Variants in COBLL1 observed in about 807,000 individuals in gnomAD.
COBLL1 encodes cordon-bleu WH2 repeat protein like 1.
Under a neutral mutation model 94.8 loss-of-function variants are expected in COBLL1, and 50 were observed. That is an observed-to-expected ratio of 0.53 (90% confidence interval 0.42 to 0.67). The LOEUF (loss-of-function observed/expected upper bound fraction) is 0.67, where lower values mean the gene tolerates loss of function less well. Ranked by LOEUF, COBLL1 falls within the 30% of genes least tolerant of loss-of-function variation. The pLI, the probability that COBLL1 is intolerant of heterozygous loss-of-function variation, is 0.00. For missense variants in COBLL1, 1,362 were observed against 1,348.7 expected, an observed-to-expected ratio of 1.01 and a Z score of -0.15; for synonymous variants, 448 against 473.8, an observed-to-expected ratio of 0.95 and a Z score of 0.71.
At chr2:164,738,115 G>A (rs1184374135) in intron 3 of COBLL1, 1 of 152,122 alleles carries the variant, frequency 6.6e-6, no homozygotes, top group Non-Finnish European at 1.5e-5. Context: ...ATTCCTATTT[G>A]TGGTAAGGGC....
Position 164,810,118 on chromosome 2 carries a change from A to G in COBLL1, c.41+31038T>C, listed in dbSNP as rs540201144. The stretch of plus-strand genomic sequence containing the variant: ...TCTCTAGATCTCAACCCAAACAGAC[A>G]TCATCTTATAATCATATGATTTTTT... On this transcript the variant is annotated intron_variant, in intron 2 of 13. Coordinates refer to ENST00000652658, the MANE Select transcript of COBLL1 (RefSeq NM_001365672.2). 7.9e-5 allele frequency among the ~76,000 whole-genome samples: 12 copies of G among 151,860 alleles called. No individual in the cohort carries two copies. In the South Asian group the frequency reaches 2.1e-3, roughly 26 times the overall value.
At chr2:164,820,006 T>A (rs1420750287) in intron 2 of COBLL1, among the ~76,000 whole-genome samples, 63 of 144,270 alleles carry the variant, frequency 4.4e-4, no homozygotes, top group Middle Eastern at 3.7e-3. Flanking sequence ...TTTTTTTTTT[T>A]AATTTTTAGT....
intron 2 of COBLL1, among the ~76,000 whole-genome samples, chr2:164,759,491 A>G (rs1043223417): frequency 3.9e-5 from 6 of 152,152 alleles, no homozygotes; most frequent in African/African-American, 1.4e-4. Flanking sequence ...AACAAAAGTT[A>G]GGCCATAGGA....
intron 2 of COBLL1, among the ~76,000 whole-genome samples, chr2:164,769,945 C>G (rs1367500280): frequency 6.6e-6 from 1 of 152,158 alleles, no homozygotes; most frequent in Admixed American, 6.5e-5. Flanking sequence ...CTCCCTTTCT[C>G]TTTAGGTGTC....
intron 3 of COBLL1, among the ~76,000 whole-genome samples, chr2:164,734,777 G>C (rs1312472913): frequency 6.6e-6 from 1 of 152,156 alleles, no homozygotes; most frequent in Non-Finnish European, 1.5e-5. Context: ...ACCAACAGGA[G>C]ACCTAAAATG....
chr2:164,720,692 G>A (rs1046225375), intron 7 of COBLL1, among the ~76,000 whole-genome samples: 46 of 152,098 alleles, frequency 3.0e-4, no homozygotes, highest in African/African-American at 1.0e-3. Flanking sequence ...CTTAATTTCA[G>A]TCTCTGTTTC....
At chr2:164,746,463 C>G (rs1263713757) in intron 2 of COBLL1, among the ~76,000 whole-genome samples, 1 of 152,066 alleles carries the variant, frequency 6.6e-6, no homozygotes, top group Non-Finnish European at 1.5e-5. Flanking sequence ...TTGCCTCAAC[C>G]AGAAAAGATC....
chr2:164,747,466 C>T (rs906695071), intron 2 of COBLL1, among the ~76,000 whole-genome samples: 4 of 152,098 alleles, frequency 2.6e-5, no homozygotes, highest in African/African-American at 9.7e-5. Context: ...GGACAAAGCG[C>T]TACTTGAAAA....
At chr2:164,658,826 G>A (rs1303311281) in intron 2 of COBLL1, among the ~76,000 whole-genome samples, 1 of 152,140 alleles carries the variant, frequency 6.6e-6, no homozygotes, top group East Asian at 1.9e-4. Context: ...CTGAGCATTG[G>A]GGCTTGGTTT....
chr2:164,839,039 G>A (rs1239898139), intron 2 of COBLL1, among the ~76,000 whole-genome samples: 8 of 152,156 alleles, frequency 5.3e-5, no homozygotes, highest in Non-Finnish European at 8.8e-5. Flanking sequence ...GGACAAGTTA[G>A]ACAAGTGAAA....
intron 2 of COBLL1, among the ~76,000 whole-genome samples, chr2:164,796,382 G>C (rs1683459219): frequency 6.6e-6 from 1 of 152,118 alleles, no homozygotes; most frequent in Non-Finnish European, 1.5e-5. Context: ...ACATGAAAAA[G>C]TGAAGAGCAT....
At chr2:164,694,202 G>C in intron 12 of COBLL1, 67 bp downstream of exon 12, 1 of 1,436,628 alleles carries the variant, frequency 7.0e-7, no homozygotes, top group Non-Finnish European at 9.5e-7. Context: ...ACATCAACAT[G>C]CTTGTTAACC....
intron 3 of COBLL1, among the ~76,000 whole-genome samples, chr2:164,742,845 C>T (rs1686667752): frequency 6.6e-6 from 1 of 151,994 alleles, no homozygotes; most frequent in Non-Finnish European, 1.5e-5. Context: ...ACACAACACA[C>T]ACACACAGAG....
At chr2:164,782,161 T>C (rs1688748345) in intron 2 of COBLL1, among the ~76,000 whole-genome samples, 1 of 152,188 alleles carries the variant, frequency 6.6e-6, no homozygotes, top group African/African-American at 2.4e-5. Flanking sequence ...GAGAAAAATC[T>C]TGATGGCTGG....
At chr2:164,696,487 A>G (rs964484706) in intron 11 of COBLL1, 2 of 152,284 alleles carry the variant, frequency 1.3e-5, no homozygotes, top group African/African-American at 4.8e-5. Context: ...ATTTTTAGTT[A>G]TAACATGGGT....
Position 164,684,113 on chromosome 2 carries a change from T to C in COBLL1, c.*1833A>G, listed in dbSNP as rs983919081. 3.1e-4 allele frequency: 47 copies of C among 152,152 alleles called. No homozygotes were observed. The highest frequency in any genetic ancestry group is 3.1e-3 in the Admixed American group (47 of 15,262). The allele number at this position is 152,152 out of a possible 1,614,324, so 9.4% of individuals were successfully genotyped here. ...AACTTCCGTTTTTGCTAATTTGATG[T>C]GGTACCTTTCCATGTTTTTAACTTG... On this transcript the variant is annotated 3_prime_UTR_variant, in exon 14 of 14. Transcript: ENST00000652658.
chr2:164,804,391 A>G (rs1044630232), intron 2 of COBLL1, among the ~76,000 whole-genome samples: 2 of 152,194 alleles, frequency 1.3e-5, no homozygotes, highest in Non-Finnish European at 2.9e-5. Flanking sequence ...GAAAATGAAA[A>G]TAATAAAAGT....
At chr2:164,823,116 G>C (rs1020093413) in intron 2 of COBLL1, among the ~76,000 whole-genome samples, 2 of 152,128 alleles carry the variant, frequency 1.3e-5, no homozygotes, top group African/African-American at 4.8e-5. Context: ...AAAACAGTGA[G>C]AGTATTGTTT....
chr2:164,839,786 G>A (rs1302748808), intron 2 of COBLL1, among the ~76,000 whole-genome samples: 6 of 151,916 alleles, frequency 3.9e-5, no homozygotes, highest in African/African-American at 7.3e-5. Context: ...TCTTTCTACC[G>A]ATATATTTCT....
Sources: gnomAD v4.1 joint callset for allele counts (sites outside exome capture counted in the v4.1 genomes callset) on GRCh38, gnomAD v4.1.1 for gene constraint, MANE v1.5 for transcripts, NCBI Gene and HGNC (gene_info 2026-07-23, HGNC 2026-07-21) for gene names.